The following CSMD1 variants were observed in gnomAD, a reference collection of about 807,000 sequenced individuals.
CSMD1 encodes CUB and sushi domain-containing protein 1.
Under a neutral mutation model 417.5 loss-of-function variants are expected in CSMD1, and 213 were observed. The observed-to-expected ratio is 0.51, with a 90% CI of 0.46 to 0.57. The LOEUF (loss-of-function observed/expected upper bound fraction) is 0.57, where lower values mean the gene tolerates loss of function less well. Among genes scored for constraint, CSMD1 ranks in the 20% least tolerant of loss-of-function variants. The probability of loss-of-function intolerance (pLI) is 0.00; values close to 1 mark genes in which losing one functional copy is unlikely to be tolerated. For missense variants in CSMD1, 6,923 were observed against 4,529.7 expected, an observed-to-expected ratio of 1.53 and a Z score of -15.17; for synonymous variants, 2,862 against 1,736.8, an observed-to-expected ratio of 1.65 and a Z score of -16.11.
chr8:4,389,220 G>C (rs556758084), intron 3 of CSMD1, among the ~76,000 whole-genome samples: 42 of 152,220 alleles, frequency 2.8e-4, no homozygotes, highest in African/African-American at 9.9e-4. Flanking sequence ...GCTACTTCTA[G>C]CAATACTTTC....
chr8:3,405,128 C>T (rs953532888), intron 15 of CSMD1, among the ~76,000 whole-genome samples: 4 of 152,112 alleles, frequency 2.6e-5, no homozygotes, highest in African/African-American at 9.7e-5. Flanking sequence ...TTCAATAATA[C>T]GTCTCATTCA....
At chr8:4,552,977 T>G in intron 2 of CSMD1, among the ~76,000 whole-genome samples, 1 of 152,228 alleles carries the variant, frequency 6.6e-6, no homozygotes, top group East Asian at 1.9e-4. Flanking sequence ...TGTACCTTGC[T>G]TATGTATGCT....
intron 1 of CSMD1, among the ~76,000 whole-genome samples, chr8:4,868,297 G>A (rs193112714): frequency 3.3e-5 from 5 of 152,034 alleles, no homozygotes; most frequent in African/African-American, 9.7e-5. Flanking sequence ...GCAGTGGCGC[G>A]ATCTCGGCTC....
At chr8:4,314,435 T>C (rs776981858) in intron 3 of CSMD1, among the ~76,000 whole-genome samples, 1 of 152,178 alleles carries the variant, frequency 6.6e-6, no homozygotes, top group African/African-American at 2.4e-5. Context: ...GGAAGCAGTA[T>C]GGGGTGTTTT....
chr8:3,291,685 T>A (rs1803580557), intron 25 of CSMD1, among the ~76,000 whole-genome samples: 2 of 152,082 alleles, frequency 1.3e-5, no homozygotes, highest in African/African-American at 4.8e-5. Flanking sequence ...ACCTTTATCA[T>A]TTTTTATTAT....
intron 3 of CSMD1, among the ~76,000 whole-genome samples, chr8:4,052,481 C>G (rs1798484154): frequency 6.6e-6 from 1 of 152,070 alleles, no homozygotes; most frequent in African/African-American, 2.4e-5. Flanking sequence ...AATCTTTACC[C>G]AGGGTCAGAG....
chr8:4,446,814 G>A (rs1169698196), intron 2 of CSMD1, among the ~76,000 whole-genome samples: 1 of 142,956 alleles, frequency 7.0e-6, no homozygotes, highest in East Asian at 2.0e-4. Context: ...GTAGAGCCAA[G>A]TTTTCTCCAT....
intron 7 of CSMD1, among the ~76,000 whole-genome samples, chr8:3,638,908 C>G (rs2406992): frequency 0.014 from 2,135 of 152,072 alleles, 53 homozygotes; most frequent in East Asian, 0.13. Context: ...GAAGGGACTC[C>G]GAATAGCCTG....
chr8:3,777,938 G>T (rs905482962), intron 5 of CSMD1, among the ~76,000 whole-genome samples: 8 of 152,034 alleles, frequency 5.3e-5, no homozygotes, highest in African/African-American at 1.7e-4. Flanking sequence ...GAAGGGCAGA[G>T]TCTCAGTTCC....
intron 2 of CSMD1, among the ~76,000 whole-genome samples, chr8:4,514,194 T>G (rs1227816433): frequency 1.3e-5 from 2 of 152,268 alleles, no homozygotes; most frequent in African/African-American, 4.8e-5. Flanking sequence ...TCTTACCGTG[T>G]CCTCATAAGG....
intron 5 of CSMD1, among the ~76,000 whole-genome samples, chr8:3,985,700 T>A (rs1814270608): frequency 1.3e-5 from 2 of 151,978 alleles, no homozygotes; most frequent in South Asian, 2.1e-4. Flanking sequence ...AAGAATCAAG[T>A]AACAACTTGA....
At chr8:3,780,896 G>C (rs1490947217) in intron 5 of CSMD1, among the ~76,000 whole-genome samples, 1 of 152,180 alleles carries the variant, frequency 6.6e-6, no homozygotes, top group African/African-American at 2.4e-5. Context: ...AGGGGTTTAG[G>C]TAACACTGGA....
At chr8:4,750,664 T>A (rs937279955) in intron 1 of CSMD1, among the ~76,000 whole-genome samples, 1 of 152,118 alleles carries the variant, frequency 6.6e-6, no homozygotes, top group African/African-American at 2.4e-5. Flanking sequence ...AGGAATCTAG[T>A]TTATTACAAA....
In CSMD1 at chr8:4,373,047, C is replaced by G. The variant is rs182831847; in HGVS notation, c.415+46906G>C. Among the ~76,000 whole-genome samples the G allele has an allele frequency of 9.2e-5, 14 of 152,292 alleles. No homozygotes were observed. In the East Asian group the frequency reaches 2.7e-3, roughly 29 times the overall value. On this transcript the variant is annotated intron_variant, in intron 3 of 69. Coordinates refer to ENST00000635120, the MANE Select transcript of CSMD1 (RefSeq NM_033225.6). Reference sequence around the variant, plus strand: ...TGATTCGGGCTCACAGTGTATAACCCTGATTTGATGTGATGAGAAGACAGT... The same window carrying G: ...TGATTCGGGCTCACAGTGTATAACCGTGATTTGATGTGATGAGAAGACAGT...
At chr8:4,101,385 C>T (rs17404427) in intron 3 of CSMD1, among the ~76,000 whole-genome samples, 14,385 of 152,132 alleles carry the variant, frequency 0.095, 784 homozygotes, top group Middle Eastern at 0.19. Flanking sequence ...GCCCTGACAA[C>T]GATCCCACTC....
At chr8:4,905,009 G>C (rs1040214382) in intron 1 of CSMD1, among the ~76,000 whole-genome samples, 4 of 152,146 alleles carry the variant, frequency 2.6e-5, no homozygotes, top group African/African-American at 9.7e-5. Context: ...CTCACTCTAA[G>C]GTAGTGTGAC....
intron 3 of CSMD1, among the ~76,000 whole-genome samples, chr8:4,387,521 G>A (rs1447878468): frequency 8.1e-6 from 1 of 124,206 alleles, no homozygotes; most frequent in Non-Finnish European, 1.6e-5. Context: ...TATTTCTGTG[G>A]GAGCTTATCT....
intron 8 of CSMD1, among the ~76,000 whole-genome samples, chr8:3,612,896 T>C (rs755232736): frequency 2.0e-5 from 3 of 151,978 alleles, no homozygotes; most frequent in Admixed American, 6.6e-5. Context: ...ATGGAGCCCA[T>C]AGTAAACAGA....
At chr8:3,715,079 T>C (rs1378304832) in intron 6 of CSMD1, among the ~76,000 whole-genome samples, 1 of 152,196 alleles carries the variant, frequency 6.6e-6, no homozygotes, top group African/African-American at 2.4e-5. Flanking sequence ...AATTTTAACA[T>C]TTCTTCATTA....
Sources: gnomAD v4.1 joint callset for allele counts (sites outside exome capture counted in the v4.1 genomes callset) on GRCh38, gnomAD v4.1.1 for gene constraint, MANE v1.5 for transcripts, NCBI Gene and HGNC (gene_info 2026-07-23, HGNC 2026-07-21) for gene names.